The following SHOC2 variants were observed in gnomAD, a reference collection of about 807,000 sequenced individuals.
SHOC2 encodes the protein SHOC2 leucine rich repeat scaffold protein.
SHOC2 carries 4 observed loss-of-function variants against 50.2 expected under a neutral mutation model. The observed-to-expected ratio is 0.08, with a 90% CI of 0.04 to 0.18. SHOC2 has a LOEUF of 0.18. Ranked by LOEUF, SHOC2 falls within the 10% of genes least tolerant of loss-of-function variation. The pLI, the probability that SHOC2 is intolerant of heterozygous loss-of-function variation, is 1.00. For synonymous variants in SHOC2, 218 were observed against 244.5 expected (o/e 0.89, Z 1.01); for missense variants, 388 against 669.6 (o/e 0.58, Z 4.64).
At chr10:111,006,861 T>A (rs1374407916) in intron 5 of SHOC2, among the ~76,000 whole-genome samples, 1 of 152,226 alleles carries the variant, frequency 6.6e-6, no homozygotes, top group Admixed American at 6.5e-5. Flanking sequence ...AAGTATACTT[T>A]ATAAGTGAAT....
chr10:110,926,754 G>T (rs1846784140), intron 1 of SHOC2, among the ~76,000 whole-genome samples: 2 of 152,040 alleles, frequency 1.3e-5, no homozygotes, highest in South Asian at 4.1e-4. Context: ...CATGTATTTT[G>T]GAAAAATTCC....
At chr10:110,920,428 C>T (rs571643871) in intron 1 of SHOC2, among the ~76,000 whole-genome samples, 1 of 152,218 alleles carries the variant, frequency 6.6e-6, no homozygotes, top group Non-Finnish European at 1.5e-5. Flanking sequence ...CCCCCAGCAC[C>T]TCAATATCCA....
At chr10:110,942,999 G>T (rs1847178192) in intron 1 of SHOC2, among the ~76,000 whole-genome samples, 1 of 152,130 alleles carries the variant, frequency 6.6e-6, no homozygotes, top group Non-Finnish European at 1.5e-5. Flanking sequence ...TTCATCCTCA[G>T]TTTTCTAAGA....
intron 2 of SHOC2, among the ~76,000 whole-genome samples, chr10:110,974,666 CG>C (rs1458924285): frequency 2.0e-5 from 3 of 151,826 alleles, no homozygotes; most frequent in Non-Finnish European, 4.4e-5. Flanking sequence ...ATCTTTGTGG[CG>C]TTTTTTTTAG....
intron 2 of SHOC2, among the ~76,000 whole-genome samples, chr10:110,970,706 T>TTTG (rs954220663): frequency 2.7e-5 from 4 of 146,026 alleles, no homozygotes; most frequent in Admixed American, 1.4e-4. Flanking sequence ...TCTATCTGTT[T>TTTG]TTGTTGTTGT....
At chr10:110,995,256 A>C (rs1184682446) in intron 3 of SHOC2, among the ~76,000 whole-genome samples, 2 of 152,252 alleles carry the variant, frequency 1.3e-5, no homozygotes, top group African/African-American at 4.8e-5. Context: ...CTGGTGAGGG[A>C]GATAACTAAT....
At chr10:110,953,270 G>A (rs1847393161) in intron 1 of SHOC2, among the ~76,000 whole-genome samples, 1 of 152,226 alleles carries the variant, frequency 6.6e-6, no homozygotes, top group Non-Finnish European at 1.5e-5. Context: ...TGACTGGCGT[G>A]AGATGGTGTC....
At chr10:110,999,768 A>G (rs529365576) in intron 3 of SHOC2, among the ~76,000 whole-genome samples, 1 of 150,874 alleles carries the variant, frequency 6.6e-6, no homozygotes, top group African/African-American at 2.4e-5. Context: ...AAGAAAGAAA[A>G]GAAAAGAAAG....
At chr10:111,005,846 A>G (rs1848456409) in intron 5 of SHOC2, among the ~76,000 whole-genome samples, 1 of 152,360 alleles carries the variant, frequency 6.6e-6, no homozygotes, top group South Asian at 2.1e-4. Context: ...CCATTTGAAC[A>G]TAGTTGTGGT....
intron 1 of SHOC2, among the ~76,000 whole-genome samples, chr10:110,962,333 A>G (rs1011208686): frequency 2.1e-4 from 32 of 152,136 alleles, no homozygotes; most frequent in Middle Eastern, 3.2e-3. Context: ...CCCTTTAGCT[A>G]TGCATATTTC....
intron 1 of SHOC2, among the ~76,000 whole-genome samples, chr10:110,936,383 G>A (rs1369125647): frequency 4.0e-5 from 6 of 151,762 alleles, no homozygotes; most frequent in Non-Finnish European, 7.4e-5. Context: ...TATTACAGGC[G>A]TGAGCCACCG....
intron 3 of SHOC2, among the ~76,000 whole-genome samples, chr10:110,995,623 G>A (rs1243339281): frequency 6.6e-6 from 1 of 152,204 alleles, no homozygotes; most frequent in East Asian, 1.9e-4. Context: ...CTTCACAAAT[G>A]TTATGGTAAA....
At chr10:111,004,574 T>G in intron 4 of SHOC2, 32 bp from the exon 5 acceptor site, 1 of 1,512,208 alleles carries the variant, frequency 6.6e-7, no homozygotes, top group Non-Finnish European at 9.2e-7. Context: ...ATCACAGTTC[T>G]AATTCTTATG....
chr10:110,990,621 C>T (rs531509210), intron 3 of SHOC2, among the ~76,000 whole-genome samples: 14 of 152,004 alleles, frequency 9.2e-5, no homozygotes, highest in Admixed American at 2.0e-4. Context: ...ATCAGCAGGA[C>T]GTGGGTGGGG....
chr10:110,936,895 G>T (rs752889946), intron 1 of SHOC2: 2 of 1,380,152 alleles, frequency 1.4e-6, no homozygotes, highest in Non-Finnish European at 1.0e-6. Flanking sequence ...GCTTTTTCTT[G>T]TCGTAAGGCG....
intron 4 of SHOC2, among the ~76,000 whole-genome samples, chr10:111,002,744 G>T (rs565468585): frequency 6.6e-6 from 1 of 151,216 alleles, no homozygotes; most frequent in South Asian, 2.1e-4. Context: ...TTAGTAGAAG[G>T]TGTAAAATAG....
At chr10:110,972,639 G>C (rs1847804035) in intron 2 of SHOC2, among the ~76,000 whole-genome samples, 2 of 152,150 alleles carry the variant, frequency 1.3e-5, no homozygotes. Flanking sequence ...GAGCCCAGGA[G>C]TTTGAAACCA....
chr10:110,964,456 G>A lies in SHOC2; in HGVS notation c.98G>A (p.Gly33Asp). ...EREKEAKASG[G>D]FGKESKEKEP... ...GAAAAGGAGGCAAAAGCCTCTGGAG[G>A]TTTTGGGAAAGAGAGCAAAGAAAAA... The change falls in exon 2 of 9, where the codon GGT becomes GAT. Residue 33 changes from glycine (G) to aspartate (D), a missense_variant. Coordinates refer to ENST00000369452, the MANE Select transcript of SHOC2 (RefSeq NM_007373.4). This position sits in a 1 kb window ranked among gnomAD's most constrained non-coding sequence, Gnocchi z 4.9. The A allele has an allele frequency of 6.2e-7, 1 of 1,614,026 alleles. No individual in the cohort carries two copies. Among genetic ancestry groups the A allele is most frequent in the Non-Finnish European group, 8.5e-7 (1 of 1,179,964 alleles).
chr10:110,958,020 C>G (rs1431485531), intron 1 of SHOC2, among the ~76,000 whole-genome samples: 2 of 152,130 alleles, frequency 1.3e-5, no homozygotes, highest in Non-Finnish European at 2.9e-5. Context: ...TGAATCCATT[C>G]TCATTTTTTA....
Sources: allele counts gnomAD v4.1 joint callset (sites outside exome capture counted in the v4.1 genomes callset), GRCh38; gene constraint gnomAD v4.1.1; non-coding constraint Gnocchi (gnomAD v3.1); transcripts MANE v1.5; gene names NCBI Gene and HGNC (gene_info 2026-07-23, HGNC 2026-07-21).